NCOR2: variants seen among roughly 807,000 people sequenced by gnomAD.
NCOR2 encodes CTG repeat protein 26.
NCOR2 carries 81 observed loss-of-function variants against 262.9 expected under a neutral mutation model. That is an observed-to-expected ratio of 0.31 (90% CI 0.26 to 0.37). The LOEUF (loss-of-function observed/expected upper bound fraction) is 0.37. Ranked by LOEUF, NCOR2 falls within the 10% of genes least tolerant of loss-of-function variation. The probability of loss-of-function intolerance (pLI) is 1.00; values close to 1 mark genes in which losing one functional copy is unlikely to be tolerated. For synonymous variants in NCOR2, 1,659 were observed against 1,559.3 expected, an observed-to-expected ratio of 1.06 and a Z score of -1.51; for missense variants, 3,385 against 3,621.4, an observed-to-expected ratio of 0.93 and a Z score of 1.68.
At chr12:124,541,996 TG>T (rs1268492434) in intron 1 of NCOR2, among the ~76,000 whole-genome samples, 1 of 150,944 alleles carries the variant, frequency 6.6e-6, no homozygotes, top group Non-Finnish European at 1.5e-5. Flanking sequence ...CGTGCTCCAG[TG>T]GAACACATAA....
chr12:124,407,911 G>A (rs912461772), intron 13 of NCOR2, among the ~76,000 whole-genome samples: 5 of 152,222 alleles, frequency 3.3e-5, no homozygotes, highest in Non-Finnish European at 5.9e-5. Context: ...CCAGGGGTCA[G>A]AGCCGAGGCA....
intron 18 of NCOR2, among the ~76,000 whole-genome samples, chr12:124,375,490 A>G (rs2039919041): frequency 6.6e-6 from 1 of 152,110 alleles, no homozygotes; most frequent in African/African-American, 2.4e-5. Flanking sequence ...CTTCTAACAA[A>G]TCCCAGGGAA....
intron 1 of NCOR2, among the ~76,000 whole-genome samples, chr12:124,515,648 TATGA>T (rs890909050): frequency 7.6e-5 from 5 of 65,978 alleles, no homozygotes; most frequent in African/African-American, 1.8e-4. Flanking sequence ...TGAGTGTGCA[TATGA>T]GTGTGAGTGT....
At chr12:124,344,641 C>T (rs1388160250) in exon 32 of NCOR2, 2 of 1,477,160 alleles carry the variant, frequency 1.4e-6, no homozygotes. Context: ...CACGGGCGAA[C>T]CTCGTGGGAG....
exon 37 of NCOR2, chr12:124,340,037 C>A (rs376844948): frequency 1.1e-5 from 17 of 1,612,558 alleles, no homozygotes; most frequent in Non-Finnish European, 1.4e-5. Context: ...GGCTCCACAG[C>A]GGTGATGATA....
intron 1 of NCOR2, among the ~76,000 whole-genome samples, chr12:124,556,998 G>A (rs990917895): frequency 6.6e-6 from 1 of 152,268 alleles, no homozygotes; most frequent in South Asian, 2.1e-4. Context: ...AGGCCGGTGT[G>A]GCTGAGACAG....
At chr12:124,488,483 C>T (rs573576623) in intron 1 of NCOR2, among the ~76,000 whole-genome samples, 1 of 152,358 alleles carries the variant, frequency 6.6e-6, no homozygotes, top group South Asian at 2.1e-4. Context: ...ACACTCATCT[C>T]CCTCACCTCT....
intron 17 of NCOR2, among the ~76,000 whole-genome samples, chr12:124,385,344 C>T (rs924785575): frequency 2.6e-5 from 4 of 152,202 alleles, no homozygotes; most frequent in Non-Finnish European, 5.9e-5. Flanking sequence ...AGGGGAGCCA[C>T]TCGCTCAGGA....
intron 34 of NCOR2, 48 bp from the exon 37 acceptor site, chr12:124,340,799 C>G: frequency 6.9e-7 from 1 of 1,447,902 alleles, no homozygotes. Context: ...AGGAGAGAGG[C>G]CAGGCTGCCC....
chr12:124,452,645 G>A (rs1490144174), intron 6 of NCOR2, among the ~76,000 whole-genome samples: 2 of 152,264 alleles, frequency 1.3e-5, no homozygotes, highest in African/African-American at 2.4e-5. Context: ...CGCAGCCCTG[G>A]GAGGGCGAGG....
At chr12:124,396,995 A>AGGGACG (rs2041714188) in intron 16 of NCOR2, among the ~76,000 whole-genome samples, 1 of 152,236 alleles carries the variant, frequency 6.6e-6, no homozygotes, top group African/African-American at 2.4e-5. Flanking sequence ...AGCACGGGAC[A>AGGGACG]GGGACGGGGA....
chr12:124,399,107 G>A (rs573954888), intron 15 of NCOR2, among the ~76,000 whole-genome samples: 7 of 152,180 alleles, frequency 4.6e-5, no homozygotes, highest in South Asian at 2.1e-4. Flanking sequence ...GAGGAGTGGC[G>A]GAAGGTTCCA....
At chr12:124,498,186 C>A (rs903972329), upstream of NCOR2, among the ~76,000 whole-genome samples, 1 of 152,146 alleles carries the variant, frequency 6.6e-6, no homozygotes, top group African/African-American at 2.4e-5. Context: ...ACAAGGTGGC[C>A]GAGAGGTCTC....
chr12:124,354,034 G>T, intron 27 of NCOR2, 59 bp downstream of exon 29: 1 of 1,470,728 alleles, frequency 6.8e-7, no homozygotes, highest in Non-Finnish European at 9.3e-7. Flanking sequence ...GGGGTTATAA[G>T]ATGGGCTGGC....
chr12:124,550,899 G>A (rs1314740616), intron 1 of NCOR2, among the ~76,000 whole-genome samples: 7 of 152,184 alleles, frequency 4.6e-5, no homozygotes, highest in South Asian at 2.1e-4. Context: ...GAAAGTCCCC[G>A]GCAGCCCCTT....
intron 16 of NCOR2, among the ~76,000 whole-genome samples, chr12:124,394,733 G>C (rs1251088778): frequency 6.6e-6 from 1 of 152,212 alleles, no homozygotes; most frequent in East Asian, 1.9e-4. Context: ...AGGGAATGCA[G>C]CCTCTTGGAT....
chr12:124,542,117 T>C (rs2051385678), intron 1 of NCOR2, among the ~76,000 whole-genome samples: 8 of 151,850 alleles, frequency 5.3e-5, no homozygotes. Context: ...CCTCAGCCTC[T>C]TCCTGCATGG....
At chr12:124,554,047 A>G (rs929194481) in intron 1 of NCOR2, among the ~76,000 whole-genome samples, 1 of 152,180 alleles carries the variant, frequency 6.6e-6, no homozygotes, top group African/African-American at 2.4e-5. Context: ...CCCACTCAGG[A>G]GCCAGGGCCC....
At chr12:124,394,153 G>C (rs1414603588) in intron 16 of NCOR2, among the ~76,000 whole-genome samples, 2 of 152,254 alleles carry the variant, frequency 1.3e-5, no homozygotes, top group East Asian at 3.8e-4. Context: ...TGGAGACTGC[G>C]CCCTAAGCTA....
Sources: gnomAD v4.1 joint callset for allele counts (sites outside exome capture counted in the v4.1 genomes callset) on GRCh38, gnomAD v4.1.1 for gene constraint, MANE v1.5 for transcripts, NCBI Gene and HGNC (gene_info 2026-07-23, HGNC 2026-07-21) for gene names.